The following KIF16B variants were observed in gnomAD, a reference collection of about 807,000 sequenced individuals.
The protein encoded by KIF16B is kinesin-like protein KIF16B.
In KIF16B, 98 loss-of-function variants were observed where a neutral mutation model predicts 156.3. The ratio of observed to expected loss-of-function variants is 0.63; its 90% CI spans 0.53 to 0.74. The LOEUF is 0.74. Among genes scored for constraint, KIF16B ranks in the 30% least tolerant of loss-of-function variants. KIF16B has a pLI of 0.00. For synonymous variants in KIF16B, 564 were observed against 583.7 expected, an observed-to-expected ratio of 0.97 and a Z score of 0.49; for missense variants, 1,421 against 1,606.5, an observed-to-expected ratio of 0.88 and a Z score of 1.97.
intron 16 of KIF16B, among the ~76,000 whole-genome samples, chr20:16,405,750 G>A (rs908765997): frequency 1.1e-4 from 16 of 152,112 alleles, no homozygotes; most frequent in Non-Finnish European, 1.5e-4. Flanking sequence ...TAGAATATAT[G>A]TACAAGTTTA....
intron 22 of KIF16B, among the ~76,000 whole-genome samples, chr20:16,359,389 G>T (rs1182844568): frequency 2.0e-5 from 3 of 152,136 alleles, no homozygotes; most frequent in Non-Finnish European, 4.4e-5. Context: ...TGAGATACCT[G>T]CTTCCCCTTC....
intron 15 of KIF16B, among the ~76,000 whole-genome samples, chr20:16,416,079 G>C (rs2066079518): frequency 6.6e-6 from 1 of 152,036 alleles, no homozygotes; most frequent in African/African-American, 2.4e-5. Context: ...TTGTAAATTT[G>C]CTTAAGTTCC....
intron 17 of KIF16B, among the ~76,000 whole-genome samples, chr20:16,393,892 A>C (rs1468113854): frequency 1.3e-5 from 2 of 152,226 alleles, no homozygotes; most frequent in African/African-American, 2.4e-5. Flanking sequence ...AGTGTTCTAG[A>C]AGGAGAGAAT....
chr20:16,282,016 TTTTC>T (rs1418971690), intron 25 of KIF16B, among the ~76,000 whole-genome samples: 2 of 148,214 alleles, frequency 1.3e-5, no homozygotes, highest in Non-Finnish European at 3.0e-5. Context: ...GCATTCTTTT[TTTTC>T]TTTTTCTGTT....
intron 12 of KIF16B, among the ~76,000 whole-genome samples, chr20:16,471,084 G>A (rs916679759): frequency 2.0e-5 from 3 of 152,114 alleles, no homozygotes; most frequent in Non-Finnish European, 2.9e-5. Context: ...TCTACTGAAC[G>A]AGGTTTTGAA....
chr20:16,497,778 T>C (rs912168474), intron 10 of KIF16B, 100 bp from the exon 11 acceptor site: 205 of 924,200 alleles, frequency 2.2e-4, no homozygotes, highest in Non-Finnish European at 6.3e-5. Flanking sequence ...ACAGAAACTA[T>C]TAAAGGTAAA....
chr20:16,394,549 G>A (rs893011083), intron 17 of KIF16B, among the ~76,000 whole-genome samples: 1 of 152,150 alleles, frequency 6.6e-6, no homozygotes, highest in South Asian at 2.1e-4. Flanking sequence ...AAAAACTGGA[G>A]AAGAAACCAG....
At chr20:16,439,551 T>C (rs2097973402) in intron 12 of KIF16B, among the ~76,000 whole-genome samples, 1 of 151,996 alleles carries the variant, frequency 6.6e-6, no homozygotes. Context: ...CTCCCCTAAA[T>C]CTCCATAGCT....
In KIF16B at chr20:16,356,400, A is replaced by C; in HGVS notation, c.3551T>G (p.Ile1184Ser). The change falls in exon 23 of 26, where the codon ATT (isoleucine) becomes AGT (serine). Residue 1184 changes from isoleucine (I) to serine (S), a missense_variant. Physicochemically the swap from Ile to Ser is moderately radical, Grantham distance 142 (BLOSUM62 -2). Transcript: ENST00000354981. ...GACGTAGCGTGGGATACTAATTTTA[A>C]TTGGGTCCTTCAGGTCATCTGGATT... ...GANPDDLKDP[I>S]KISIPRYVLC... 1 of 1,614,160 alleles carries C rather than the reference A, an allele frequency of 6.2e-7. No homozygotes were observed. The highest frequency in any genetic ancestry group is 8.5e-7 in the Non-Finnish European group (1 of 1,180,002).
intron 17 of KIF16B, among the ~76,000 whole-genome samples, chr20:16,398,218 C>T (rs902458445): frequency 6.6e-6 from 1 of 152,178 alleles, no homozygotes; most frequent in South Asian, 2.1e-4. Flanking sequence ...GCGTCACAGA[C>T]AGTATTACAG....
chr20:16,341,962 C>T lies in KIF16B; in HGVS notation c.3622-5947G>A, dbSNP rs145359835. On this transcript the variant is annotated intron_variant, in intron 23 of 25. Coordinates refer to ENST00000354981, the MANE Select transcript of KIF16B (RefSeq NM_024704.5). ...TGTGAATAAAGAAATATAGTATATTCGTAGGTCTTCTGAAGGGTCTTCTGA... is the reference window on the plus strand; with the variant it reads ...TGTGAATAAAGAAATATAGTATATTTGTAGGTCTTCTGAAGGGTCTTCTGA... Among the ~76,000 whole-genome samples, 607 of 152,296 alleles carry T rather than the reference C, an allele frequency of 4.0e-3. 5 individuals are homozygous for T. Among genetic ancestry groups the T allele is most frequent in the African/African-American group, 0.014 (568 of 41,554 alleles).
At chr20:16,412,784 C>T (rs901444276) in intron 15 of KIF16B, among the ~76,000 whole-genome samples, 1 of 151,966 alleles carries the variant, frequency 6.6e-6, no homozygotes, top group Non-Finnish European at 1.5e-5. Context: ...GGGGACACGG[C>T]CAAACCATAT....
chr20:16,493,080 G>A (rs2068344950), intron 12 of KIF16B, among the ~76,000 whole-genome samples: 1 of 152,152 alleles, frequency 6.6e-6, no homozygotes, highest in African/African-American at 2.4e-5. Context: ...AAATACTGCA[G>A]AAGTACCTCA....
At chr20:16,344,424 A>G (rs1369896483) in intron 23 of KIF16B, among the ~76,000 whole-genome samples, 2 of 152,154 alleles carry the variant, frequency 1.3e-5, no homozygotes, top group East Asian at 3.9e-4. Flanking sequence ...TGCACACCCC[A>G]TAGGTGCTGA....
In KIF16B at chr20:16,317,945, C is replaced by T. The variant is rs1169786766; in HGVS notation, c.3712-5527G>A. ...GAGGCAGGAGACGCCAGAGAGCAAG[C>T]GTTTGGCTTTATCGCCCACAGCCAG... On this transcript the variant is annotated intron_variant, in intron 24 of 25. Transcript: ENST00000354981. Among the ~76,000 whole-genome samples the T allele has an allele frequency of 2.6e-5, 4 of 152,186 alleles. No individual in the cohort carries two copies. In the East Asian group the frequency reaches 5.8e-4, roughly 22 times the overall value.
At chr20:16,317,402 T>G (rs529574750) in intron 24 of KIF16B, among the ~76,000 whole-genome samples, 2 of 152,234 alleles carry the variant, frequency 1.3e-5, no homozygotes, top group Non-Finnish European at 2.9e-5. Flanking sequence ...ATTTCTGAAT[T>G]ACATAAAAAT....
rs117359204 is a variant in KIF16B, at chr20:16,461,342, A to T, written c.1303-31360T>A. On this transcript the variant is annotated intron_variant, in intron 12 of 25. Coordinates refer to ENST00000354981, the MANE Select transcript of KIF16B (RefSeq NM_024704.5). Reference sequence around the variant, plus strand: ...AACCCAGTTAGAATAAAGAACCCAGAAGCTCATGAAACCAATTGATTCCAC... The same window carrying T: ...AACCCAGTTAGAATAAAGAACCCAGTAGCTCATGAAACCAATTGATTCCAC... 6.6e-3 allele frequency among the ~76,000 whole-genome samples: 998 copies of T among 152,266 alleles called. 6 individuals carry two copies. Among genetic ancestry groups the T allele is most frequent in the Non-Finnish European group, 0.011 (718 of 68,014 alleles).
chr20:16,276,611 G>T (rs1005893918), intron 25 of KIF16B, among the ~76,000 whole-genome samples: 2 of 151,934 alleles, frequency 1.3e-5, no homozygotes, highest in Admixed American at 6.6e-5. Context: ...TCTAAAGTCT[G>T]TTAAGATGAG....
At chr20:16,498,465 C>G (rs1449409101) in intron 10 of KIF16B, among the ~76,000 whole-genome samples, 1 of 152,166 alleles carries the variant, frequency 6.6e-6, no homozygotes, top group Admixed American at 6.5e-5. Flanking sequence ...CTTACAGTTA[C>G]TCTGGTCATA....
Sources: allele counts gnomAD v4.1 joint callset (sites outside exome capture counted in the v4.1 genomes callset), GRCh38; gene constraint gnomAD v4.1.1; transcripts MANE v1.5; gene names NCBI Gene and HGNC (gene_info 2026-07-23, HGNC 2026-07-21).